The following PCNT variants were observed in gnomAD, a reference collection of about 807,000 sequenced individuals.
The protein encoded by PCNT is kendrin.
Under a neutral mutation model 380.4 loss-of-function variants are expected in PCNT, and 319 were observed. The observed-to-expected ratio is 0.84, with a 90% CI of 0.77 to 0.92. PCNT has a LOEUF of 0.92. Among genes scored for constraint, PCNT ranks in the 40% least tolerant of loss-of-function variants. The probability of loss-of-function intolerance (pLI) is 0.00; values close to 1 mark genes in which losing one functional copy is unlikely to be tolerated. For missense variants in PCNT, 4,400 were observed against 4,255.3 expected, an observed-to-expected ratio of 1.03 and a Z score of -0.95; for synonymous variants, 1,845 against 1,735.2, an observed-to-expected ratio of 1.06 and a Z score of -1.57.
At chr21:46,415,018 C>T (rs550917179) in intron 29 of PCNT, among the ~76,000 whole-genome samples, 5 of 152,374 alleles carry the variant, frequency 3.3e-5, no homozygotes, top group African/African-American at 1.2e-4. Context: ...TAGGGTGGCA[C>T]GGAAGCATGC....
intron 13 of PCNT, among the ~76,000 whole-genome samples, chr21:46,359,480 G>GTTGTTTT (rs2084609442): frequency 3.0e-5 from 2 of 65,732 alleles, no homozygotes; most frequent in Non-Finnish European, 6.8e-5. Flanking sequence ...AAATACACCT[G>GTTGTTTT]TTTTTTTTTT....
At chr21:46,324,351 A>G in intron 1 of PCNT, 69 bp downstream of exon 1, 1 of 1,276,228 alleles carries the variant, frequency 7.8e-7, no homozygotes, top group South Asian at 1.3e-5. Context: ...GGTGCCCGCC[A>G]CCGCCCCCTG....
chr21:46,327,281 A>G (rs112860038), intron 2 of PCNT, among the ~76,000 whole-genome samples: 2 of 152,016 alleles, frequency 1.3e-5, no homozygotes, highest in East Asian at 1.9e-4. Context: ...GGATGGTCTC[A>G]ATCTCCTGAC....
intron 29 of PCNT, among the ~76,000 whole-genome samples, chr21:46,414,131 G>A (rs1429242946): frequency 1.3e-5 from 2 of 151,888 alleles, no homozygotes; most frequent in South Asian, 2.1e-4. Context: ...AGCTGGGACT[G>A]CAGGCATGCG....
At chr21:46,371,206 C>CTTT in intron 15 of PCNT, among the ~76,000 whole-genome samples, 1 of 123,692 alleles carries the variant, frequency 8.1e-6, no homozygotes, top group Non-Finnish European at 1.8e-5. Flanking sequence ...GGTTTATTTT[C>CTTT]TTTCTTTCTT....
intron 22 of PCNT, 42 bp from the exon 23 acceptor site, chr21:46,397,972 A>AG: frequency 6.7e-7 from 1 of 1,490,982 alleles, no homozygotes; most frequent in Non-Finnish European, 9.1e-7. Flanking sequence ...GGGGCACGCC[A>AG]GCCCCGTTGG....
At chr21:46,432,917 G>A (rs542636014) in intron 38 of PCNT, among the ~76,000 whole-genome samples, 6 of 152,222 alleles carry the variant, frequency 3.9e-5, no homozygotes, top group South Asian at 4.1e-4. Context: ...CACCACACTC[G>A]GCTGTTTACT....
chr21:46,366,484 G>A, intron 14 of PCNT, 100 bp from the exon 15 acceptor site: 2 of 960,136 alleles, frequency 2.1e-6, no homozygotes, highest in Non-Finnish European at 3.4e-6. Context: ...GACCTGAACA[G>A]TTGAAGTGGC....
rs370655951 is a variant in PCNT, at chr21:46,426,361, CTG to C, written c.7320+391_7320+392del. ...ATTTTTTTTAGCACGGCCAAAAAGACTGAGGTCCAAGAACCCTGGGGAGGCCT... is the reference window on the plus strand; with the variant it reads ...ATTTTTTTTAGCACGGCCAAAAAGACAGGTCCAAGAACCCTGGGGAGGCCT... On this transcript the variant is annotated intron_variant, in intron 33 of 46. Coordinates refer to ENST00000359568, the MANE Select transcript of PCNT (RefSeq NM_006031.6). Among the ~76,000 whole-genome samples, 49 of 152,322 alleles carry C rather than the reference CTG, an allele frequency of 3.2e-4. 1 individual carries two copies. The East Asian group carries it at 5.4e-3, about 17-fold the overall frequency.
At chr21:46,431,284 C>T in intron 37 of PCNT, 1 of 1,375,560 alleles carries the variant, frequency 7.3e-7, no homozygotes. Context: ...GAGGGACAGA[C>T]TGGGAACATC....
At chr21:46,373,816 G>GC (rs1013788346) in intron 15 of PCNT, among the ~76,000 whole-genome samples, 14 of 131,702 alleles carry the variant, frequency 1.1e-4, no homozygotes, top group Non-Finnish European at 1.9e-4. Context: ...TGCAACCTCC[G>GC]CCCCCCGGGT....
At chr21:46,347,559 T>A (rs1232644795) in intron 6 of PCNT, 47 bp downstream of exon 6, 2 of 1,586,558 alleles carry the variant, frequency 1.3e-6, no homozygotes, top group East Asian at 4.5e-5. Flanking sequence ...TATGTTGTTT[T>A]TCCTTTCTCG....
intron 38 of PCNT, among the ~76,000 whole-genome samples, chr21:46,433,670 AAAAT>A (rs1487830267): frequency 6.6e-6 from 1 of 152,224 alleles, no homozygotes; most frequent in Non-Finnish European, 1.5e-5. Context: ...TTTCTTAAAA[AAAAT>A]AGTAACATGA....
At chr21:46,398,177 T>G in intron 23 of PCNT, 47 bp downstream of exon 23, 1 of 1,607,282 alleles carries the variant, frequency 6.2e-7, no homozygotes, top group Non-Finnish European at 8.5e-7. Context: ...TCTTTCACTG[T>G]GTTTTTAAGC....
chr21:46,442,613 CT>C, intron 44 of PCNT, 40 bp downstream of exon 44: 1 of 1,230,590 alleles, frequency 8.1e-7, no homozygotes, highest in Non-Finnish European at 1.2e-6. Context: ...ACTCACAAAC[CT>C]TTCTTTCTAC....
intron 13 of PCNT, 79 bp downstream of exon 13, chr21:46,357,270 T>TAC: frequency 1.0e-6 from 1 of 1,001,832 alleles, no homozygotes; most frequent in Non-Finnish European, 1.6e-6. Flanking sequence ...TGTCCTTGTG[T>TAC]ATGGAGGGGC....
intron 2 of PCNT, among the ~76,000 whole-genome samples, chr21:46,332,868 G>T (rs2083602077): frequency 6.6e-6 from 1 of 152,202 alleles, no homozygotes; most frequent in African/African-American, 2.4e-5. Context: ...CAGCATTTTG[G>T]GATGCTGAGG....
Position 46,336,058 on chromosome 21 carries a change from C to G in PCNT, c.639+1290C>G, listed in dbSNP as rs2083725651. Among the ~76,000 whole-genome samples, 7 of 152,208 alleles carry G rather than the reference C, an allele frequency of 4.6e-5. No individual in the cohort carries two copies. In the South Asian group the frequency reaches 1.5e-3, roughly 32 times the overall value. On this transcript the variant is annotated intron_variant, in intron 3 of 46. Transcript: ENST00000359568. ...GTGGCGCGATCTCGGCTCACTGCAACCTCCGCCTCCCAGGTTCAAGTGGTT... is the reference window on the plus strand; with the variant it reads ...GTGGCGCGATCTCGGCTCACTGCAAGCTCCGCCTCCCAGGTTCAAGTGGTT...
chr21:46,404,928 C>T (rs772890065), intron 27 of PCNT, among the ~76,000 whole-genome samples: 4 of 152,122 alleles, frequency 2.6e-5, no homozygotes, highest in South Asian at 2.1e-4. Context: ...AAGCAAGACC[C>T]TGTCTCAAAA....
Sources: allele counts gnomAD v4.1 joint callset (sites outside exome capture counted in the v4.1 genomes callset), GRCh38; gene constraint gnomAD v4.1.1; transcripts MANE v1.5; gene names NCBI Gene and HGNC (gene_info 2026-07-23, HGNC 2026-07-21).